DICER1: variants seen among roughly 807,000 people sequenced by gnomAD.
The protein encoded by DICER1 is endoribonuclease Dicer.
Under a neutral mutation model 194.1 loss-of-function variants are expected in DICER1, and 43 were observed. That is an observed-to-expected ratio of 0.22 (90% CI 0.17 to 0.29). The LOEUF (loss-of-function observed/expected upper bound fraction) is 0.29, where lower values mean the gene tolerates loss of function less well. DICER1 is among the 10% of genes least tolerant of loss of function. DICER1 has a pLI of 1.00. For synonymous variants in DICER1, 832 were observed against 820.5 expected (o/e 1.01, Z -0.24); for missense variants, 1,608 against 2,317.0 (o/e 0.69, Z 6.28).
intron 21 of DICER1, 54 bp from the exon 22 acceptor site, chr14:95,099,989 A>T: frequency 6.3e-7 from 1 of 1,590,750 alleles, no homozygotes; most frequent in Non-Finnish European, 8.6e-7. Flanking sequence ...GCTGGAATTC[A>T]TTCAAGGCAT....
intron 21 of DICER1, among the ~76,000 whole-genome samples, chr14:95,101,329 C>T (rs566172843): frequency 9.2e-5 from 14 of 152,292 alleles, no homozygotes; most frequent in African/African-American, 3.4e-4. Context: ...TAGAAGGTTT[C>T]TGAGCAGACA....
intron 4 of DICER1, among the ~76,000 whole-genome samples, chr14:95,130,804 G>A (rs1351735880): frequency 6.6e-6 from 1 of 152,178 alleles, no homozygotes; most frequent in African/African-American, 2.4e-5. Context: ...CATGCTGGCT[G>A]CATGGAAACA....
chr14:95,129,391 G>T, intron 6 of DICER1, 81 bp downstream of exon 6: 1 of 1,355,210 alleles, frequency 7.4e-7, no homozygotes, highest in Non-Finnish European at 1.1e-6. Flanking sequence ...GGTACTCTCT[G>T]CAAGGTACTA....
chr14:95,096,603 T>G lies in DICER1; in HGVS notation c.4317A>C (p.Glu1439Asp), dbSNP rs1394532756. Reference sequence around the variant, plus strand: ...CCTGATCATACTCCAGGAAATCATCTTCATAGTCAGCCTCTTCCTTCGGAG... The same window carrying G: ...CCTGATCATACTCCAGGAAATCATCGTCATAGTCAGCCTCTTCCTTCGGAG... ...WRAPKEEADY[E>D]DDFLEYDQEH... The change falls in exon 23 of 27, where the codon GAA (glutamate) becomes GAC (aspartate). Residue 1439 changes from glutamate to aspartate, a missense_variant. Glu to Asp is a conservative substitution (Grantham distance 45). Coordinates refer to ENST00000343455, the MANE Select transcript of DICER1 (RefSeq NM_177438.3). 1.2e-6 allele frequency: 2 copies of G among 1,611,830 alleles called. No homozygotes were observed. The highest frequency in any genetic ancestry group is 3.3e-5 in the Admixed American group (2 of 59,810).
chr14:95,144,431 T>C (rs1382628470), intron 1 of DICER1, among the ~76,000 whole-genome samples: 1 of 152,136 alleles, frequency 6.6e-6, no homozygotes, highest in Non-Finnish European at 1.5e-5. Flanking sequence ...ATTGTTTACT[T>C]GCCTGTAAAA....
In DICER1 at chr14:95,137,422, G is replaced by A. The variant is rs577957946; in HGVS notation, c.-45-3919C>T. On this transcript the variant is annotated intron_variant, in intron 1 of 26. Transcript: ENST00000343455. Reference sequence around the variant, plus strand: ...GGGAAAGGGAAAGAAAAAGGGGAAGGGAATAAGAGGAAGGAAAAGGGGAAG... The same window carrying A: ...GGGAAAGGGAAAGAAAAAGGGGAAGAGAATAAGAGGAAGGAAAAGGGGAAG... Among the ~76,000 whole-genome samples, 4 of 136,586 alleles carry A rather than the reference G, an allele frequency of 2.9e-5. No homozygotes were observed. In the East Asian group the frequency reaches 9.6e-4, roughly 33 times the overall value. 89.6% of individuals were successfully genotyped at this position (136,586 alleles called of 152,430 possible).
intron 23 of DICER1, among the ~76,000 whole-genome samples, chr14:95,094,901 G>A (rs1423984002): frequency 6.6e-6 from 1 of 151,942 alleles, no homozygotes; most frequent in Non-Finnish European, 1.5e-5. Context: ...CCCAGAATAA[G>A]CAAGGAATTA....
chr14:95,137,493 GAAGGGA>G (rs1373293877), intron 1 of DICER1, among the ~76,000 whole-genome samples: 2 of 115,314 alleles, frequency 1.7e-5, no homozygotes, highest in African/African-American at 3.3e-5. Context: ...TAGGGAAGGG[GAAGGGA>G]AAGGGGAAGG....
chr14:95,116,571 G>A lies in DICER1; in HGVS notation c.1634C>T (p.Ser545Phe), dbSNP rs1344891057. 1 of 1,613,760 alleles carries A rather than the reference G, an allele frequency of 6.2e-7. No homozygotes were observed. Among genetic ancestry groups the A allele is most frequent in the South Asian group, 1.1e-5 (1 of 91,056 alleles). Residue 545 changes from serine (S) to phenylalanine (F), a missense_variant, in exon 10 of 27, where the codon TCC (serine) becomes TTC (phenylalanine). This residue lies in a region of DICER1 where 657 missense variants were observed against 910.1 expected (regional missense o/e 0.72). Transcript: ENST00000343455. ...TGCTCTTCCTTTAGATTGAACATAG[G>A]ATCGATATTCTGTGGGCAAATCAAA... ...VRFDLPTEYRSYVQSKGRARA... is the reference protein window; with the variant it reads ...VRFDLPTEYRFYVQSKGRARA...
At chr14:95,111,565 A>G in intron 13 of DICER1, 109 bp from the exon 14 acceptor site, 2 of 1,204,558 alleles carry the variant, frequency 1.7e-6, no homozygotes, top group Non-Finnish European at 2.4e-6. Flanking sequence ...AATGGAAACT[A>G]AAGCACCTTT....
chr14:95,113,353 C>A, intron 11 of DICER1, 129 bp from the exon 12 acceptor site: 1 of 898,114 alleles, frequency 1.1e-6, no homozygotes, highest in South Asian at 1.4e-5. Context: ...GGCATTTAAA[C>A]TTTACTGCTT....
Position 95,108,463 on chromosome 14 carries a change from T to C in DICER1, c.2297A>G (p.Gln766Arg), listed in dbSNP as rs940468676. 4 of 1,614,046 alleles carry C rather than the reference T, an allele frequency of 2.5e-6. No homozygotes were observed. The African/African-American group carries it at 4.0e-5, about 16-fold the overall frequency. Residue 766 changes from glutamine (Q) to arginine (R), a missense_variant, in exon 15 of 27, where the codon CAG becomes CGG. By Grantham distance (43) the Gln-to-Arg change is conservative (BLOSUM62 1). Coordinates refer to ENST00000343455, the MANE Select transcript of DICER1 (RefSeq NM_177438.3). ...TCCTATCACATACAGGTAACAGGGCTGATCAGGTCTGGGATAACTATCCCT... is the reference window on the plus strand; with the variant it reads ...TCCTATCACATACAGGTAACAGGGCCGATCAGGTCTGGGATAACTATCCCT... The part of the protein sequence containing the change: ...CLRDSYPRPD[Q>R]PCYLYVIGMV...
At position 95,099,767 on chromosome 14, in the gene DICER1, CACACAA is replaced by C; in HGVS notation, c.4206+7_4206+12del. ...ACACACACACACACACACACACACA[CACACAA>C]ACTTACCATTTCATCTTTTTCCCAT... On this transcript the variant is annotated splice_region_variant and intron_variant, in intron 22 of 26. Coordinates refer to ENST00000343455, the MANE Select transcript of DICER1 (RefSeq NM_177438.3). 1 of 187,998 alleles carries C rather than the reference CACACAA, an allele frequency of 5.3e-6. No individual in the cohort carries two copies. The allele number at this position is 187,998 out of a possible 1,614,324, so 11.6% of individuals were successfully genotyped here.
chr14:95,103,075 C>T (rs1299810767), intron 21 of DICER1, among the ~76,000 whole-genome samples: 1 of 152,206 alleles, frequency 6.6e-6, no homozygotes, highest in Non-Finnish European at 1.5e-5. Context: ...TTCCTTTGAA[C>T]TGACTTTCAA....
At chr14:95,095,659 A>G in intron 23 of DICER1, 166 bp downstream of exon 23, 1 of 815,292 alleles carries the variant, frequency 1.2e-6, no homozygotes, top group South Asian at 1.5e-5. Context: ...TGCTCCCCAA[A>G]TAACAAGGAA....
intron 13 of DICER1, among the ~76,000 whole-genome samples, chr14:95,111,885 A>G (rs1891998221): frequency 6.6e-6 from 1 of 152,226 alleles, no homozygotes; most frequent in African/African-American, 2.4e-5. Context: ...TTCATGGTGC[A>G]TGATTCAACA....
At chr14:95,095,518 C>T (rs1595336162) in intron 23 of DICER1, 7 of 381,920 alleles carry the variant, frequency 1.8e-5, no homozygotes, top group Middle Eastern at 1.6e-3. Context: ...AAGATATTTG[C>T]GGAGGATAAA....
intron 1 of DICER1, among the ~76,000 whole-genome samples, chr14:95,144,329 CCTAT>C (rs766146075): frequency 2.6e-5 from 4 of 151,580 alleles, no homozygotes; most frequent in African/African-American, 9.7e-5. Flanking sequence ...TTCCTTTGTA[CCTAT>C]CTTTCTTTTA....
chr14:95,086,694 T>A lies in DICER1; in HGVS notation c.*3804A>T. 4.3e-6 allele frequency: 1 copy of A among 233,226 alleles called. No homozygotes were observed. Among genetic ancestry groups the A allele is most frequent in the Non-Finnish European group, 8.5e-6 (1 of 117,840 alleles). 14.4% of individuals were successfully genotyped at this position (233,226 alleles called of 1,614,324 possible). On this transcript the variant is annotated 3_prime_UTR_variant, in exon 27 of 27. Coordinates refer to ENST00000343455, the MANE Select transcript of DICER1 (RefSeq NM_177438.3). ...GAAAATACAATGGTCTCAATGCAAA[T>A]TTCCTAGATATTGCTATTGGCGTCT...
Sources: gnomAD v4.1 joint callset for allele counts (sites outside exome capture counted in the v4.1 genomes callset) on GRCh38, gnomAD v4.1.1 for gene constraint, gnomAD v4.1.1 regional missense constraint, MANE v1.5 for transcripts, NCBI Gene and HGNC (gene_info 2026-07-23, HGNC 2026-07-21) for gene names.